Variants in GALNT13 observed in about 807,000 individuals in gnomAD.
GALNT13 encodes UDP-GalNAc:polypeptide N-acetylgalactosaminyltransferase 13.
Under a neutral mutation model 64.2 loss-of-function variants are expected in GALNT13, and 28 were observed. That is an observed-to-expected ratio of 0.44 (90% confidence interval 0.32 to 0.60). The LOEUF is 0.60. GALNT13 is among the 20% of genes least tolerant of loss of function. The pLI is 0.05. For missense variants in GALNT13, 577 were observed against 669.8 expected (o/e 0.86, Z 1.53); for synonymous variants, 214 against 224.6 (o/e 0.95, Z 0.42).
chr2:154,042,438 T>C (rs1699032175), intron 3 of GALNT13, among the ~76,000 whole-genome samples: 1 of 139,834 alleles, frequency 7.2e-6, no homozygotes, highest in Admixed American at 7.2e-5. Flanking sequence ...CAAGGTAATA[T>C]GTTATGACAT....
the GALNT13 span, among the ~76,000 whole-genome samples, chr2:153,554,656 A>ATGTGTGTGTGTGTGTGTGTGTG: frequency 2.1e-5 from 3 of 146,164 alleles, no homozygotes; most frequent in African/African-American, 7.7e-5. Flanking sequence ...GATGCTGTAT[A>ATGTGTGTGTGTGTGTGTGTGTG]TGTGTGTGTG....
At chr2:153,237,436 C>T in the GALNT13 span, among the ~76,000 whole-genome samples, 1 of 151,898 alleles carries the variant, frequency 6.6e-6, no homozygotes, top group African/African-American at 2.4e-5. Flanking sequence ...AGATCTTATT[C>T]ATTCCACCTG....
At chr2:153,554,140 C>T in the GALNT13 span, among the ~76,000 whole-genome samples, 2 of 150,452 alleles carry the variant, frequency 1.3e-5, no homozygotes, top group Non-Finnish European at 3.0e-5. Context: ...CACGGTGAAA[C>T]CCTGTCTCTA....
intron 9 of GALNT13, among the ~76,000 whole-genome samples, chr2:154,361,692 C>T (rs770850202): frequency 1.1e-4 from 16 of 152,138 alleles, no homozygotes; most frequent in South Asian, 2.1e-4. Flanking sequence ...TACTATTGTG[C>T]GATTCCATAC....
rs146822197 is a variant in GALNT13 at position 154,191,503 on chromosome 2, G to A, written c.312-50527G>A. ...CAACTGTAGGAAGAGAAATTCAGAG[G>A]GGTAACATTTTATTGTGCGGTATGA... On this transcript the variant is annotated intron_variant, in intron 4 of 12. Transcript: ENST00000392825. Among the ~76,000 whole-genome samples, 11 of 152,240 alleles carry A rather than the reference G, an allele frequency of 7.2e-5. No homozygotes were observed. The East Asian group carries it at 1.9e-3, about 27-fold the overall frequency.
At chr2:153,394,686 T>A in the GALNT13 span, among the ~76,000 whole-genome samples, 1 of 152,188 alleles carries the variant, frequency 6.6e-6, no homozygotes, top group African/African-American at 2.4e-5. Flanking sequence ...ACTGCCATGT[T>A]AAATACATAA....
chr2:154,350,299 A>G (rs1295029994), intron 9 of GALNT13, among the ~76,000 whole-genome samples: 2 of 152,182 alleles, frequency 1.3e-5, no homozygotes, highest in Non-Finnish European at 2.9e-5. Flanking sequence ...CACCATTTAA[A>G]TCAGCTGCCA....
the GALNT13 span, among the ~76,000 whole-genome samples, chr2:153,563,704 T>G: frequency 2.6e-5 from 4 of 151,538 alleles, no homozygotes; most frequent in African/African-American, 9.7e-5. Flanking sequence ...TCTCCTTCAC[T>G]CTTAGGGTTT....
At chr2:153,409,829 A>G in the GALNT13 span, among the ~76,000 whole-genome samples, 2 of 152,226 alleles carry the variant, frequency 1.3e-5, no homozygotes, top group Admixed American at 1.3e-4. Context: ...AAAGCAAATA[A>G]TAAACATTTT....
chr2:154,272,782 T>C (rs1043441082), intron 8 of GALNT13, among the ~76,000 whole-genome samples: 3 of 152,180 alleles, frequency 2.0e-5, no homozygotes, highest in African/African-American at 7.2e-5. Context: ...TGTTTAACTT[T>C]CTTTTAAATC....
chr2:154,097,057 A>G (rs1702110669), intron 3 of GALNT13, among the ~76,000 whole-genome samples: 2 of 152,040 alleles, frequency 1.3e-5, no homozygotes, highest in Non-Finnish European at 2.9e-5. Context: ...AAGACATAAC[A>G]TCACATTCTG....
At chr2:153,812,315 T>C in the GALNT13 span, among the ~76,000 whole-genome samples, 8 of 152,252 alleles carry the variant, frequency 5.3e-5, no homozygotes, top group East Asian at 1.2e-3. Context: ...ATCTATATGA[T>C]GCAAGAAAAG....
At chr2:154,010,671 G>A (rs1296301198) in intron 3 of GALNT13, among the ~76,000 whole-genome samples, 1 of 152,096 alleles carries the variant, frequency 6.6e-6, no homozygotes, top group Non-Finnish European at 1.5e-5. Context: ...GGTACCAGCT[G>A]TGGTTCATAT....
the GALNT13 span, among the ~76,000 whole-genome samples, chr2:153,154,709 G>A: frequency 3.6e-4 from 55 of 152,068 alleles, no homozygotes; most frequent in Non-Finnish European, 2.9e-5. Context: ...CTTTCCATTT[G>A]GATGTCCTTT....
At chr2:153,657,888 A>G in the GALNT13 span, among the ~76,000 whole-genome samples, 1 of 152,074 alleles carries the variant, frequency 6.6e-6, no homozygotes, top group Non-Finnish European at 1.5e-5. Context: ...GACTTTGGGT[A>G]TTGATTCCAT....
At chr2:154,349,500 A>G (rs541649475) in intron 9 of GALNT13, among the ~76,000 whole-genome samples, 1 of 152,362 alleles carries the variant, frequency 6.6e-6, no homozygotes, top group South Asian at 2.1e-4. Context: ...AGAATGTTCT[A>G]TTGCATAAAA....
the GALNT13 span, among the ~76,000 whole-genome samples, chr2:153,180,906 T>G: frequency 1.3e-5 from 2 of 151,830 alleles, no homozygotes; most frequent in African/African-American, 4.8e-5. Context: ...TAATTGCCGA[T>G]TTTTTCTTAG....
At chr2:153,266,857 C>T in the GALNT13 span, among the ~76,000 whole-genome samples, 4 of 152,144 alleles carry the variant, frequency 2.6e-5, no homozygotes, top group Non-Finnish European at 4.4e-5. Flanking sequence ...CCCAACAGTC[C>T]CCCACGTCTT....
intron 11 of GALNT13, among the ~76,000 whole-genome samples, chr2:154,423,908 C>A (rs1171545690): frequency 6.6e-6 from 1 of 152,102 alleles, no homozygotes; most frequent in African/African-American, 2.4e-5. Context: ...ATACCGTGCA[C>A]CCTTGAAGTG....
Sources: allele counts gnomAD v4.1 joint callset (sites outside exome capture counted in the v4.1 genomes callset), GRCh38; gene constraint gnomAD v4.1.1; transcripts MANE v1.5; gene names NCBI Gene and HGNC (gene_info 2026-07-23, HGNC 2026-07-21).